PLSCR1: variants seen among roughly 807,000 people sequenced by gnomAD.
PLSCR1 encodes the protein phospholipid scramblase 1.
In PLSCR1, 17 loss-of-function variants were observed where a neutral mutation model predicts 37.8. That is an observed-to-expected ratio of 0.45 (90% CI 0.31 to 0.68). The LOEUF (loss-of-function observed/expected upper bound fraction) is 0.68. Ranked by LOEUF, PLSCR1 falls within the 30% of genes least tolerant of loss-of-function variation. The pLI is 0.06. For missense variants in PLSCR1, 347 were observed against 380.9 expected, an observed-to-expected ratio of 0.91 and a Z score of 0.74; for synonymous variants, 116 against 125.9, an observed-to-expected ratio of 0.92 and a Z score of 0.53.
chr3:146,540,676 A>G (rs2587014), intron 1 of PLSCR1, among the ~76,000 whole-genome samples: 41,245 of 152,046 alleles, frequency 0.27, 5,811 homozygotes, highest in African/African-American at 0.32. Flanking sequence ...TCAAAACAGA[A>G]GATAAAGCAT....
chr3:146,528,783 G>T lies in PLSCR1; in HGVS notation c.143C>A (p.Pro48His). 2 of 1,614,126 alleles carry T rather than the reference G, an allele frequency of 1.2e-6. No individual in the cohort carries two copies. The highest frequency in any genetic ancestry group is 1.1e-5 in the South Asian group (1 of 91,080). Residue 48 changes from proline to histidine, a missense_variant, in exon 4 of 9, where the codon CCC (proline) becomes CAC (histidine). Transcript: ENST00000342435. ...AGGACCTGAATGGCCGGCTGGTGGG[G>T]GTGGGTAGCTGACCTGGGGCCCAGG... ...GYPGPQVSYP[P>H]PPAGHSGPGP...
At position 146,521,660 on chromosome 3, in the gene PLSCR1, G is replaced by A. The variant is rs777834768; in HGVS notation, c.622C>T (p.Gln208Ter). 5.6e-6 allele frequency: 9 copies of A among 1,613,066 alleles called. No homozygotes were observed. The highest frequency in any genetic ancestry group is 7.6e-6 in the Non-Finnish European group (9 of 1,179,256). ...TTTGGTAGACATGGGTGCCAAGTCT[G>A]AATAACATAACCTATTGGTACACCA... ...PPGVPIGYVI[Q>*]TWHPCLPKFT... Residue 208 changes from glutamine to a stop codon, truncating the protein, a stop_gained, in exon 7 of 9, where the codon CAG becomes TAG. Transcript: ENST00000342435. LOFTEE classifies it high-confidence loss of function.
chr3:146,538,583 A>C (rs754545535), intron 1 of PLSCR1, among the ~76,000 whole-genome samples: 1 of 152,206 alleles, frequency 6.6e-6, no homozygotes, highest in Non-Finnish European at 1.5e-5. Context: ...ACCAATTTTA[A>C]CAGAAATTTT....
rs758965651 is a variant in PLSCR1 at position 146,516,109 on chromosome 3, A to G, written c.901-8T>C. Reference sequence around the variant, plus strand: ...TTCAAAAAACATGAAGTCCTAGATAAAAACAAAAGTATACAAATGAATTTT... The same window carrying G: ...TTCAAAAAACATGAAGTCCTAGATAGAAACAAAAGTATACAAATGAATTTT... On this transcript the variant is annotated splice_polypyrimidine_tract_variant and splice_region_variant and intron_variant, in intron 8 of 8. Transcript: ENST00000342435. 1.3e-6 allele frequency: 2 copies of G among 1,588,500 alleles called. No individual in the cohort carries two copies. Among genetic ancestry groups the G allele is most frequent in the Non-Finnish European group, 1.7e-6 (2 of 1,158,952 alleles).
chr3:146,529,145 G>C (rs960950216), intron 3 of PLSCR1, among the ~76,000 whole-genome samples: 1 of 152,146 alleles, frequency 6.6e-6, no homozygotes, highest in African/African-American at 2.4e-5. Context: ...TAAAGATTCT[G>C]GCAAGCCTTC....
rs759997743 is a variant in PLSCR1, at chr3:146,521,554, A to G, written c.728T>C (p.Val243Ala). The change falls in exon 7 of 9, where the codon GTT becomes GCT. Residue 243 changes from valine to alanine, a missense_variant. Coordinates refer to ENST00000342435, the MANE Select transcript of PLSCR1 (RefSeq NM_021105.3). ...PCVVCSCCGD[V>A]DFEIKSLDEQ... Reference sequence around the variant, plus strand: ...TATGACATCTCTTACCTCAAAATCAACATCTCCACAACAGCTGCACACAAC... The same window carrying G: ...TATGACATCTCTTACCTCAAAATCAGCATCTCCACAACAGCTGCACACAAC... The G allele has an allele frequency of 6.2e-7, 1 of 1,612,404 alleles. No individual in the cohort carries two copies. Among genetic ancestry groups the G allele is most frequent in the Non-Finnish European group, 8.5e-7 (1 of 1,179,246 alleles).
intron 8 of PLSCR1, 44 bp downstream of exon 8, chr3:146,516,962 C>A (rs1375620584): frequency 8.3e-7 from 1 of 1,199,800 alleles, no homozygotes; most frequent in Non-Finnish European, 1.2e-6. Flanking sequence ...CAGAATGAAC[C>A]TAGAGAAAGC....
intron 3 of PLSCR1, among the ~76,000 whole-genome samples, chr3:146,529,100 T>C (rs1320581533): frequency 6.6e-6 from 1 of 152,090 alleles, no homozygotes; most frequent in Non-Finnish European, 1.5e-5. Context: ...TCTGAGAAAA[T>C]GAAAATAAAT....
chr3:146,539,949 A>G (rs773576158), intron 1 of PLSCR1, among the ~76,000 whole-genome samples: 1 of 152,184 alleles, frequency 6.6e-6, no homozygotes, highest in Non-Finnish European at 1.5e-5. Context: ...GTTTGCTGTT[A>G]TAATGATCCT....
chr3:146,538,671 T>C (rs1195416738), intron 1 of PLSCR1, among the ~76,000 whole-genome samples: 3 of 152,132 alleles, frequency 2.0e-5, no homozygotes, highest in Non-Finnish European at 4.4e-5. Flanking sequence ...GGGCAAATCC[T>C]AAATAAAATG....
At chr3:146,543,554 AAAC>A (rs1185781844) in intron 1 of PLSCR1, among the ~76,000 whole-genome samples, 30 of 152,350 alleles carry the variant, frequency 2.0e-4, no homozygotes, top group Admixed American at 1.4e-3. Context: ...AAGCCAGAAA[AAAC>A]AACGACTGCC....
chr3:146,534,491 T>C (rs2044240227), intron 2 of PLSCR1, among the ~76,000 whole-genome samples: 1 of 152,212 alleles, frequency 6.6e-6, no homozygotes, highest in Non-Finnish European at 1.5e-5. Flanking sequence ...TGTGTCTCTA[T>C]TATGAACTTT....
At chr3:146,543,193 G>T (rs530012249) in intron 1 of PLSCR1, among the ~76,000 whole-genome samples, 1 of 152,232 alleles carries the variant, frequency 6.6e-6, no homozygotes, top group South Asian at 2.1e-4. Flanking sequence ...GCAAAAGAGG[G>T]AGACATTCTT....
At chr3:146,528,530 G>A (rs747673768) in intron 4 of PLSCR1, 84 bp downstream of exon 4, 23 of 1,073,434 alleles carry the variant, frequency 2.1e-5, no homozygotes, top group Non-Finnish European at 3.2e-5. Flanking sequence ...TCAGACTTTG[G>A]TGAATTATTC....
intron 7 of PLSCR1, among the ~76,000 whole-genome samples, chr3:146,518,720 A>AT (rs2043978943): frequency 6.6e-6 from 1 of 152,166 alleles, no homozygotes. Context: ...TAGAGAATAC[A>AT]TTTTTTATGG....
At chr3:146,533,810 T>C (rs1480415790) in intron 2 of PLSCR1, among the ~76,000 whole-genome samples, 1 of 152,182 alleles carries the variant, frequency 6.6e-6, no homozygotes. Flanking sequence ...TTTTGAAACA[T>C]CCCTGATGAA....
chr3:146,534,760 C>T (rs773914791), intron 2 of PLSCR1, among the ~76,000 whole-genome samples: 4 of 152,252 alleles, frequency 2.6e-5, no homozygotes, highest in African/African-American at 4.8e-5. Flanking sequence ...CCTGTAGTCC[C>T]AGCAACTCAG....
chr3:146,521,290 A>G (rs888661365), intron 7 of PLSCR1, among the ~76,000 whole-genome samples: 2 of 152,190 alleles, frequency 1.3e-5, no homozygotes, highest in Non-Finnish European at 2.9e-5. Context: ...CACCACGTTT[A>G]AGTGAGGGAT....
In PLSCR1 at chr3:146,521,586, A is replaced by C; in HGVS notation, c.696T>G (p.Gly232=). The C allele has an allele frequency of 6.2e-7, 1 of 1,614,014 alleles. No homozygotes were observed. The change falls in exon 7 of 9, where the codon GGT becomes GGG. Residue 232 remains glycine (G), a synonymous_variant. Coordinates refer to ENST00000342435, the MANE Select transcript of PLSCR1 (RefSeq NM_021105.3). The part of the protein sequence containing the change: ...EKREDVLKIS[G]PCVVCSCCGD... ...CACAACAGCTGCACACAACACATGGACCACTTATTTTTAGTACATCCTCTC... is the reference window on the plus strand; with the variant it reads ...CACAACAGCTGCACACAACACATGGCCCACTTATTTTTAGTACATCCTCTC...
Sources: gnomAD v4.1 joint callset for allele counts (sites outside exome capture counted in the v4.1 genomes callset) on GRCh38, gnomAD v4.1.1 for gene constraint, MANE v1.5 for transcripts, NCBI Gene and HGNC (gene_info 2026-07-23, HGNC 2026-07-21) for gene names.